Variants in IRAK3 observed in about 807,000 individuals in gnomAD.
IRAK3 encodes the protein interleukin-1 receptor-associated kinase 3.
In IRAK3, 57 loss-of-function variants were observed where a neutral mutation model predicts 56.6. The observed-to-expected ratio is 1.01, with a 90% CI of 0.81 to 1.26. IRAK3 has a LOEUF of 1.26. Among genes scored for constraint, IRAK3 ranks in the 50% most tolerant of loss-of-function variants. IRAK3 has a pLI of 0.00. For missense variants in IRAK3, 703 were observed against 719.0 expected (o/e 0.98, Z 0.25); for synonymous variants, 258 against 255.7 (o/e 1.01, Z -0.09).
chr12:66,239,789 TATTA>T (rs1161957353), intron 8 of IRAK3, among the ~76,000 whole-genome samples: 1 of 152,248 alleles, frequency 6.6e-6, no homozygotes, highest in Non-Finnish European at 1.5e-5. Context: ...AAATTTCCCC[TATTA>T]ATTCTATTTG....
In IRAK3 at chr12:66,248,033, C is replaced by T. The variant is rs11465988; in HGVS notation, c.1653C>T (p.Ser551=). 7.7e-3 allele frequency: 12,163 copies of T among 1,588,270 alleles called. 410 individuals carry two copies. The African/African-American group carries it at 0.098, about 13-fold the overall frequency. ...ESWFPKYIVP[S]QDLRPYKVNI... is the part of the protein sequence containing the mutation. The stretch of plus-strand genomic sequence containing the variant: ...GGTTCCCAAAGTATATAGTTCCATC[C>T]CAGGACTTAAGGCCCTATAAGGTAA... The change falls in exon 12 of 12, where the codon TCC becomes TCT. Residue 551 remains serine (S), a synonymous_variant. Coordinates refer to ENST00000261233, the MANE Select transcript of IRAK3 (RefSeq NM_007199.3).
chr12:66,196,093 C>CTA (rs1049496590), intron 1 of IRAK3, among the ~76,000 whole-genome samples: 2 of 151,216 alleles, frequency 1.3e-5, no homozygotes, highest in Non-Finnish European at 2.9e-5. Context: ...ATAAAATAAA[C>CTA]TATATATATA....
chr12:66,198,654 A>T (rs555013687), intron 1 of IRAK3, among the ~76,000 whole-genome samples: 1 of 152,262 alleles, frequency 6.6e-6, no homozygotes, highest in Non-Finnish European at 1.5e-5. Context: ...AAAATGAAGA[A>T]GTCTATTATT....
chr12:66,253,582 C>T lies in IRAK3; in HGVS notation c.*5411C>T, dbSNP rs576879388. The T allele has an allele frequency of 3.0e-4, 45 of 152,308 alleles. 2 individuals carry two copies. Among genetic ancestry groups the T allele is most frequent in the Admixed American group, 2.7e-3 (41 of 15,296 alleles). The allele number at this position is 152,308 out of a possible 1,614,324, so 9.4% of individuals were successfully genotyped here. A position where few individuals can be genotyped will look rare whatever the true frequency, so the allele number is the denominator to read the frequency against. On this transcript the variant is annotated 3_prime_UTR_variant, in exon 12 of 12. Transcript: ENST00000261233. Reference sequence around the variant, plus strand: ...TGGATGTCATCTGCATCATTGCAAACTTTTCTGGTCGTCTCTATAAATAGC... The same window carrying T: ...TGGATGTCATCTGCATCATTGCAAATTTTTCTGGTCGTCTCTATAAATAGC...
In IRAK3 at chr12:66,252,464, C is replaced by T. The variant is rs2136959195; in HGVS notation, c.*4293C>T. The T allele has an allele frequency of 6.6e-6, 1 of 152,374 alleles. No individual in the cohort carries two copies. The highest frequency in any genetic ancestry group is 1.9e-4 in the East Asian group (1 of 5,192). The allele number at this position is 152,374 out of a possible 1,614,324, so 9.4% of individuals were successfully genotyped here. A position where few individuals can be genotyped will look rare whatever the true frequency, so the allele number is the denominator to read the frequency against. ...GGTACCATGTCTCCTGCCTTTATCA[C>T]TATCCTACTCCTCTGCTACAACTTC... On this transcript the variant is annotated 3_prime_UTR_variant, in exon 12 of 12. Coordinates refer to ENST00000261233, the MANE Select transcript of IRAK3 (RefSeq NM_007199.3).
rs369204290 is a variant in IRAK3, at chr12:66,220,552, G to A, written c.653+3317G>A. On this transcript the variant is annotated intron_variant, in intron 6 of 11. Transcript: ENST00000261233. ...TTTTTTTTTTTTGAGACGGAGTCTC[G>A]CTCTGTCGCCCAGGCTGGAGTGCAG... 2.4e-3 allele frequency among the ~76,000 whole-genome samples: 260 copies of A among 107,714 alleles called. 1 individual carries two copies. The highest frequency in any genetic ancestry group is 0.024 in the Middle Eastern group (2 of 84). 70.7% of individuals were successfully genotyped at this position (107,714 alleles called of 152,430 possible). A position where few individuals can be genotyped will look rare whatever the true frequency, so the allele number is the denominator to read the frequency against.
intron 8 of IRAK3, among the ~76,000 whole-genome samples, chr12:66,232,905 G>T (rs2052858308): frequency 6.6e-6 from 1 of 152,036 alleles, no homozygotes; most frequent in Non-Finnish European, 1.5e-5. Context: ...AGTGAACAAT[G>T]GAAGATGCTG....
chr12:66,216,477 A>G (rs762469588), intron 5 of IRAK3, among the ~76,000 whole-genome samples: 2 of 152,166 alleles, frequency 1.3e-5, no homozygotes, highest in Non-Finnish European at 2.9e-5. Context: ...GAACGTTACA[A>G]CTGGTGAGAC....
chr12:66,194,347 T>C (rs954200036), intron 1 of IRAK3, among the ~76,000 whole-genome samples: 3 of 152,146 alleles, frequency 2.0e-5, no homozygotes, highest in African/African-American at 7.2e-5. Flanking sequence ...CTATTTATAC[T>C]CCAGGTCCTC....
Position 66,228,390 on chromosome 12 carries a change from T to C in IRAK3, c.887+20T>C, listed in dbSNP as rs1444807520. On this transcript the variant is annotated intron_variant, in intron 8 of 11. Transcript: ENST00000261233. ...ATCAAGGTAAATTATTCCAGAGCTT[T>C]TGGTTATACCTGAAAGCTTCTTTTA... 1.3e-6 allele frequency: 2 copies of C among 1,551,102 alleles called. No individual in the cohort carries two copies. Among genetic ancestry groups the C allele is most frequent in the East Asian group, 2.2e-5 (1 of 44,600 alleles).
At chr12:66,190,109 G>A (rs1357053705) in intron 1 of IRAK3, among the ~76,000 whole-genome samples, 1 of 152,146 alleles carries the variant, frequency 6.6e-6, no homozygotes, top group Non-Finnish European at 1.5e-5. Flanking sequence ...AAAAATCTTC[G>A]TTTTGTTAAG....
At chr12:66,230,038 C>T (rs1351341784) in intron 8 of IRAK3, among the ~76,000 whole-genome samples, 2 of 152,094 alleles carry the variant, frequency 1.3e-5, no homozygotes, top group Non-Finnish European at 2.9e-5. Flanking sequence ...GGTTTTGGCT[C>T]TTGATGGGAG....
chr12:66,216,891 T>G (rs1242913214), intron 5 of IRAK3, among the ~76,000 whole-genome samples: 2 of 152,182 alleles, frequency 1.3e-5, no homozygotes, highest in Non-Finnish European at 2.9e-5. Flanking sequence ...ATAGAATGTT[T>G]TTGAATTTAT....
At chr12:66,246,140 T>C (rs2136954210) in intron 11 of IRAK3, among the ~76,000 whole-genome samples, 1 of 152,130 alleles carries the variant, frequency 6.6e-6, no homozygotes, top group Admixed American at 6.5e-5. Flanking sequence ...CCCATGGAAG[T>C]TAAGGAAGCT....
intron 1 of IRAK3, chr12:66,197,757 C>A: frequency 1.0e-6 from 1 of 985,410 alleles, no homozygotes. Flanking sequence ...CCCTAAAACC[C>A]CAGCTCATTT....
chr12:66,191,305 A>T (rs959972475), intron 1 of IRAK3, among the ~76,000 whole-genome samples: 20 of 152,302 alleles, frequency 1.3e-4, no homozygotes, highest in African/African-American at 4.6e-4. Context: ...AGTCCTGGCC[A>T]TTTGAGACAG....
intron 1 of IRAK3, among the ~76,000 whole-genome samples, chr12:66,193,101 G>A (rs1050913021): frequency 6.6e-6 from 1 of 151,910 alleles, no homozygotes; most frequent in Non-Finnish European, 1.5e-5. Flanking sequence ...TCCGCCTCCC[G>A]GGTTCAAATG....
At chr12:66,228,455 T>C in intron 8 of IRAK3, 85 bp downstream of exon 8, 1 of 903,688 alleles carries the variant, frequency 1.1e-6, no homozygotes, top group Non-Finnish European at 1.9e-6. Context: ...TTCTCTGCTG[T>C]AGTTCTCCTG....
chr12:66,211,362 A>G (rs991392804), intron 4 of IRAK3, 84 bp from the exon 5 acceptor site: 1 of 1,049,340 alleles, frequency 9.5e-7, no homozygotes, highest in African/African-American at 1.5e-5. Flanking sequence ...CTGGACTCTG[A>G]TTTGTTTCTA....
Sources: allele counts gnomAD v4.1 joint callset (sites outside exome capture counted in the v4.1 genomes callset), GRCh38; gene constraint gnomAD v4.1.1; transcripts MANE v1.5; gene names NCBI Gene and HGNC (gene_info 2026-07-23, HGNC 2026-07-21).